FLOT1: variants seen among roughly 807,000 people sequenced by gnomAD.
FLOT1 encodes flotillin-1.
A neutral mutation model predicts 58.4 loss-of-function variants in FLOT1; 40 were observed. That is an observed-to-expected ratio of 0.69 (90% CI 0.53 to 0.89). The LOEUF is 0.89. FLOT1 is among the 40% of genes least tolerant of loss of function. The pLI, the probability that FLOT1 is intolerant of heterozygous loss-of-function variation, is 0.00. For missense variants in FLOT1, 423 were observed against 540.8 expected (o/e 0.78, Z 2.16); for synonymous variants, 178 against 204.2 (o/e 0.87, Z 1.09).
chr6:30,728,522 T>G (rs537677770), intron 12 of FLOT1, among the ~76,000 whole-genome samples: 1 of 151,702 alleles, frequency 6.6e-6, no homozygotes, highest in South Asian at 2.1e-4. Flanking sequence ...CAGGCTAGAA[T>G]GCAGTGGTGC....
At position 30,741,843 on chromosome 6, in the gene FLOT1, A is replaced by AT; in HGVS notation, c.67dup (p.Met23AsnfsTer31). ...GACAAAGACACGCCCTCCAGCCACC[A>AT]TGACTGGGGGGCTTCGGCAGAACCC... is the stretch of plus-strand genomic sequence containing the variant. On this transcript the variant is annotated frameshift_variant, in exon 3 of 13. Coordinates refer to ENST00000376389, the MANE Select transcript of FLOT1 (RefSeq NM_005803.4). LOFTEE classifies it high-confidence loss of function. The surrounding 1 kb of genome is among the most constrained non-coding windows in gnomAD (Gnocchi z 5.9). 3.1e-6 allele frequency: 5 copies of AT among 1,612,840 alleles called. No homozygotes were observed. Among genetic ancestry groups the AT allele is most frequent in the Non-Finnish European group, 4.2e-6 (5 of 1,179,998 alleles).
At chr6:30,734,977 A>G (rs149585836) in intron 8 of FLOT1, among the ~76,000 whole-genome samples, 52 of 152,272 alleles carry the variant, frequency 3.4e-4, no homozygotes, top group African/African-American at 1.2e-3. Context: ...CTCAACACTG[A>G]AAGGAAGCTC....
In FLOT1 at chr6:30,741,274, C is replaced by A; in HGVS notation, c.270G>T (p.Gly90=). The change falls in exon 5 of 13, where the codon GGG becomes GGT. Residue 90 remains glycine (G), a synonymous_variant. Coordinates refer to ENST00000376389, the MANE Select transcript of FLOT1 (RefSeq NM_005803.4). This position sits in a 1 kb window ranked among gnomAD's most constrained non-coding sequence, Gnocchi z 5.9. ...MLAAACQMFL[G]KTEAEIAHIA... Reference sequence around the variant, plus strand: ...TGTGGGCAATCTCAGCCTCCGTCTTCCCCAGGAACATCTGACAGGCGGCCG... The same window carrying A: ...TGTGGGCAATCTCAGCCTCCGTCTTACCCAGGAACATCTGACAGGCGGCCG... The A allele has an allele frequency of 6.2e-7, 1 of 1,613,100 alleles. No homozygotes were observed. Among genetic ancestry groups the A allele is most frequent in the Non-Finnish European group, 8.5e-7 (1 of 1,180,036 alleles).
In FLOT1 at chr6:30,742,249, T is replaced by A; in HGVS notation, c.-14-46A>T. The A allele has an allele frequency of 6.5e-7, 1 of 1,541,452 alleles. No homozygotes were observed. The highest frequency in any genetic ancestry group is 9.0e-7 in the Non-Finnish European group (1 of 1,114,884). ...GCCTTTGCGGATGGGGAAGGCGCGC[T>A]GTGGCGTCCACAGGGGCCCATCCTT... On this transcript the variant is annotated intron_variant, in intron 1 of 12. Coordinates refer to ENST00000376389, the MANE Select transcript of FLOT1 (RefSeq NM_005803.4). This position sits in a 1 kb window ranked among gnomAD's most constrained non-coding sequence, Gnocchi z 5.2.
At position 30,727,870 on chromosome 6, in the gene FLOT1, G is replaced by T; in HGVS notation, c.*246C>A. The T allele has an allele frequency of 1.7e-6, 1 of 596,028 alleles. No individual in the cohort carries two copies. Among genetic ancestry groups the T allele is most frequent in the Non-Finnish European group, 3.0e-6 (1 of 333,830 alleles). The allele number at this position is 596,028 out of a possible 1,614,324, so 36.9% of individuals were successfully genotyped here. Reference sequence around the variant, plus strand: ...TAATTAGGAAGTTAAATAAGTTGAGGTGGGGTGGAGTGGGATCATCAGAAG... The same window carrying T: ...TAATTAGGAAGTTAAATAAGTTGAGTTGGGGTGGAGTGGGATCATCAGAAG... On this transcript the variant is annotated 3_prime_UTR_variant, in exon 13 of 13. Transcript: ENST00000376389.
chr6:30,728,896 C>T (rs551864374), intron 12 of FLOT1, among the ~76,000 whole-genome samples: 62 of 152,082 alleles, frequency 4.1e-4, no homozygotes, highest in African/African-American at 1.4e-3. Flanking sequence ...ATTCTCCTGC[C>T]TCAGCCTCCC....
chr6:30,740,902 T>G, intron 5 of FLOT1, 104 bp from the exon 6 acceptor site: 1 of 1,448,562 alleles, frequency 6.9e-7, no homozygotes, highest in African/African-American at 1.5e-5. Context: ...TTCTCCTGCC[T>G]CAGCCTCCCA....
intron 8 of FLOT1, among the ~76,000 whole-genome samples, chr6:30,736,888 C>T (rs925760666): frequency 3.3e-5 from 5 of 151,960 alleles, no homozygotes; most frequent in African/African-American, 4.8e-5. Context: ...CCACCGCACC[C>T]GGCCTTGCTT....
Position 30,733,005 on chromosome 6 carries a change from T to A in FLOT1, c.724-1905A>T, listed in dbSNP as rs542844773. 3.1e-4 allele frequency among the ~76,000 whole-genome samples: 47 copies of A among 152,284 alleles called. No homozygotes were observed. The South Asian group carries it at 3.1e-3, about 10-fold the overall frequency. On this transcript the variant is annotated intron_variant, in intron 8 of 12. Coordinates refer to ENST00000376389, the MANE Select transcript of FLOT1 (RefSeq NM_005803.4). ...CTCAGAAAGAATATAAAGACAATAT[T>A]TTTTCTGAGGTCTTGCTTTCTCTGA...
At position 30,737,106 on chromosome 6, in the gene FLOT1, G is replaced by A. The variant is rs1375648556; in HGVS notation, c.723+3052C>T. 6.6e-6 allele frequency among the ~76,000 whole-genome samples: 1 copy of A among 151,862 alleles called. No homozygotes were observed. Among genetic ancestry groups the A allele is most frequent in the African/African-American group, 2.4e-5 (1 of 41,308 alleles). ...CACTCACAGCACACCAGCGCCCCCA[G>A]ATCAGAAACCTCCTTTCTGACTCCA... On this transcript the variant is annotated intron_variant, in intron 8 of 12. Transcript: ENST00000376389. The surrounding 1 kb of genome is among the most constrained non-coding windows in gnomAD (Gnocchi z 4.4).
rs1562188149 is a variant in FLOT1, at chr6:30,737,219, TCCGTCC to T, written c.723+2933_723+2938del. On this transcript the variant is annotated intron_variant, in intron 8 of 12. Coordinates refer to ENST00000376389, the MANE Select transcript of FLOT1 (RefSeq NM_005803.4). The surrounding 1 kb of genome is among the most constrained non-coding windows in gnomAD (Gnocchi z 4.4). ...TGACTGACTGTCTGTCGTCCGTCCG[TCCGTCC>T]GTCCGTCCGTCCGTCCGTCCGTCCA... 0.013 allele frequency among the ~76,000 whole-genome samples: 1,690 copies of T among 133,682 alleles called. 23 individuals are homozygous for T. Among genetic ancestry groups the T allele is most frequent in the Admixed American group, 0.02 (258 of 12,966 alleles). The allele number at this position is 133,682 out of a possible 152,430, so 87.7% of individuals were successfully genotyped here.
At chr6:30,734,713 C>T (rs898248605) in intron 8 of FLOT1, among the ~76,000 whole-genome samples, 3 of 151,966 alleles carry the variant, frequency 2.0e-5, no homozygotes, top group Non-Finnish European at 1.5e-5. Context: ...ATACCCTGTC[C>T]CTGGCTTTCT....
rs1043699852 is a variant in FLOT1 at position 30,737,816 on chromosome 6, T to C, written c.723+2342A>G. On this transcript the variant is annotated intron_variant, in intron 8 of 12. Coordinates refer to ENST00000376389, the MANE Select transcript of FLOT1 (RefSeq NM_005803.4). The surrounding 1 kb of genome is among the most constrained non-coding windows in gnomAD (Gnocchi z 4.4). ...TGCTTACTAGCTGTTTCCTGTGTCA[T>C]AATGTAAGCTGCATAAGGGCAGGAA... Among the ~76,000 whole-genome samples, 2 of 152,198 alleles carry C rather than the reference T, an allele frequency of 1.3e-5. No homozygotes were observed. Among genetic ancestry groups the C allele is most frequent in the Non-Finnish European group, 2.9e-5 (2 of 68,030 alleles).
chr6:30,730,325 T>TA, intron 11 of FLOT1, 103 bp downstream of exon 11: 4 of 1,497,358 alleles, frequency 2.7e-6, no homozygotes, highest in Non-Finnish European at 3.6e-6. Context: ...ACCCCTAATT[T>TA]AGAGTCCCCC....
Position 30,741,671 on chromosome 6 carries a change from C to T in FLOT1, c.153G>A (p.Lys51=), listed in dbSNP as rs142287154. The change falls in exon 4 of 13, where the codon AAG becomes AAA. Residue 51 remains lysine, a synonymous_variant. Transcript: ENST00000376389. The surrounding 1 kb of genome is among the most constrained non-coding windows in gnomAD (Gnocchi z 5.9). ...CATGGCGAGTGTAAACCTTTTCACT[C>T]TTGACATTGAGGGTCAGTGTGTTGA... ...ISLNTLTLNV[K]SEKVYTRHGV... is the part of the protein sequence containing the mutation. The T allele has an allele frequency of 9.3e-5, 150 of 1,612,864 alleles. No individual in the cohort carries two copies. The African/African-American group carries it at 1.7e-3, about 18-fold the overall frequency.
In FLOT1 at chr6:30,737,242, G is replaced by GTCCATCCA. The variant is rs146050958; in HGVS notation, c.723+2915_723+2916insTGGATGGA. 7.2e-3 allele frequency among the ~76,000 whole-genome samples: 1,051 copies of GTCCATCCA among 145,832 alleles called. 7 individuals are homozygous for GTCCATCCA. The highest frequency in any genetic ancestry group is 0.019 in the African/African-American group (733 of 38,540). On this transcript the variant is annotated intron_variant, in intron 8 of 12. Transcript: ENST00000376389. This position sits in a 1 kb window ranked among gnomAD's most constrained non-coding sequence, Gnocchi z 4.4. ...CGTCCGTCCGTCCGTCCGTCCGTCCGTCCGTCCATCCGTCCATCCATCCAT... is the reference window on the plus strand; with the variant it reads ...CGTCCGTCCGTCCGTCCGTCCGTCCGTCCATCCATCCGTCCATCCGTCCATCCATCCAT...
Position 30,727,731 on chromosome 6 carries a change from TTA to T in FLOT1, c.*383_*384del. Reference sequence around the variant, plus strand: ...GCATTAATTTCCAGTTGCTTCTGTTTTATTAGTACTTACTTACAGCAATTTAT... The same window carrying T: ...GCATTAATTTCCAGTTGCTTCTGTTTTTAGTACTTACTTACAGCAATTTAT... On this transcript the variant is annotated 3_prime_UTR_variant, in exon 13 of 13. Coordinates refer to ENST00000376389, the MANE Select transcript of FLOT1 (RefSeq NM_005803.4). The T allele has an allele frequency of 3.3e-6, 1 of 304,310 alleles. No individual in the cohort carries two copies. The highest frequency in any genetic ancestry group is 4.2e-5 in the Admixed American group (1 of 23,538). The allele number at this position is 304,310 out of a possible 1,614,324, so 18.9% of individuals were successfully genotyped here.
chr6:30,740,620 T>C (rs1470709205), intron 6 of FLOT1, 29 bp from the exon 7 acceptor site: 1 of 1,612,946 alleles, frequency 6.2e-7, no homozygotes, highest in Admixed American at 1.7e-5. Context: ...AATTAGTCCT[T>C]TGGAGGGCTT....
chr6:30,737,230 G>A lies in FLOT1; in HGVS notation c.723+2928C>T, dbSNP rs534957952. ...CTGTCGTCCGTCCGTCCGTCCGTCC[G>A]TCCGTCCGTCCGTCCGTCCATCCGT... On this transcript the variant is annotated intron_variant, in intron 8 of 12. Transcript: ENST00000376389. The surrounding 1 kb of genome is among the most constrained non-coding windows in gnomAD (Gnocchi z 4.4). Among the ~76,000 whole-genome samples, 504 of 136,676 alleles carry A rather than the reference G, an allele frequency of 3.7e-3. 7 individuals carry two copies. The East Asian group carries it at 0.052, about 14-fold the overall frequency. 89.7% of individuals were successfully genotyped at this position (136,676 alleles called of 152,430 possible). A position where few individuals can be genotyped will look rare whatever the true frequency, so the allele number is the denominator to read the frequency against.
Sources: gnomAD v4.1 joint callset for allele counts (sites outside exome capture counted in the v4.1 genomes callset) on GRCh38, gnomAD v4.1.1 for gene constraint, Gnocchi (gnomAD v3.1) non-coding constraint, MANE v1.5 for transcripts, NCBI Gene and HGNC (gene_info 2026-07-23, HGNC 2026-07-21) for gene names.